Variants in COA1 observed in about 807,000 individuals in gnomAD.
The protein encoded by COA1 is cytochrome c oxidase assembly factor 1.
COA1 carries 13 observed loss-of-function variants against 16.0 expected under a neutral mutation model. The observed-to-expected ratio is 0.81, with a 90% CI of 0.53 to 1.29. The LOEUF (loss-of-function observed/expected upper bound fraction) is 1.29. COA1 is among the 50% of genes most tolerant of loss of function. The pLI, the probability that COA1 is intolerant of heterozygous loss-of-function variation, is 0.00. For missense variants in COA1, 179 were observed against 177.0 expected (o/e 1.01, Z -0.06); for synonymous variants, 65 against 65.7 (o/e 0.99, Z 0.05).
At chr7:43,661,584 C>T (rs1314377733) in intron 1 of COA1, among the ~76,000 whole-genome samples, 1 of 151,198 alleles carries the variant, frequency 6.6e-6, no homozygotes, top group South Asian at 2.1e-4. Flanking sequence ...GCAGTGTGAG[C>T]CGAGATCGCG....
chr7:43,690,361 G>GC (rs1355163239), intron 1 of COA1, among the ~76,000 whole-genome samples: 2 of 152,010 alleles, frequency 1.3e-5, no homozygotes, highest in African/African-American at 4.8e-5. Flanking sequence ...CAGCCCAAAT[G>GC]CCGATCAACG....
rs955902228 is a variant in COA1, at chr7:43,640,655, G to A, written c.265-6C>T. On this transcript the variant is annotated splice_polypyrimidine_tract_variant and splice_region_variant and intron_variant, in intron 4 of 5. Transcript: ENST00000223336. ...CCAGAGACAGGAATCTTCAACTGTG[G>A]GTGTAAAATGACAGAAAGGAGAGAT... 2 of 1,580,596 alleles carry A rather than the reference G, an allele frequency of 1.3e-6. No homozygotes were observed. The highest frequency in any genetic ancestry group is 1.4e-5 in the African/African-American group (1 of 73,258).
intron 4 of COA1, among the ~76,000 whole-genome samples, chr7:43,644,982 A>G (rs985162279): frequency 5.9e-5 from 9 of 152,092 alleles, no homozygotes; most frequent in Non-Finnish European, 1.2e-4. Context: ...TCAATTCAAG[A>G]TGGCGACATC....
downstream of COA1, among the ~76,000 whole-genome samples, chr7:43,636,273 G>A (rs537314658): frequency 1.3e-5 from 2 of 152,294 alleles, no homozygotes; most frequent in South Asian, 4.1e-4. Flanking sequence ...TACTAAGGAG[G>A]TGAGAATCTT....
At chr7:43,704,856 T>C (rs866050602) in intron 1 of COA1, among the ~76,000 whole-genome samples, 8 of 152,270 alleles carry the variant, frequency 5.3e-5, no homozygotes, top group Admixed American at 6.5e-5. Context: ...AGTGCAGTCG[T>C]TTGGAGGTTA....
intron 6 of COA1, chr7:43,624,522 C>T: frequency 1.2e-6 from 2 of 1,609,684 alleles, no homozygotes; most frequent in Non-Finnish European, 1.7e-6. Flanking sequence ...TTACAGAGAT[C>T]GAGCCACTGC....
intron 6 of COA1, chr7:43,619,547 G>A (rs752634233): frequency 1.2e-5 from 19 of 1,590,178 alleles, no homozygotes; most frequent in Non-Finnish European, 1.5e-5. Context: ...CATGTTTTGT[G>A]TACTTAATCA....
At chr7:43,689,116 C>A (rs2094164816) in intron 1 of COA1, among the ~76,000 whole-genome samples, 1 of 152,200 alleles carries the variant, frequency 6.6e-6, no homozygotes, top group Admixed American at 6.5e-5. Flanking sequence ...ACACAACCAT[C>A]ACCTTTGCCT....
At chr7:43,619,971 A>T (rs915726649) in intron 6 of COA1, among the ~76,000 whole-genome samples, 3 of 152,190 alleles carry the variant, frequency 2.0e-5, no homozygotes, top group African/African-American at 7.2e-5. Context: ...TTCTAAAAGG[A>T]ATAGGAGAGG....
chr7:43,668,523 G>A (rs1431705723), intron 1 of COA1, among the ~76,000 whole-genome samples: 1 of 152,180 alleles, frequency 6.6e-6, no homozygotes, highest in Non-Finnish European at 1.5e-5. Flanking sequence ...GAGAGAAATT[G>A]TGCTCCAAAG....
At chr7:43,677,253 A>G (rs973054097) in intron 1 of COA1, among the ~76,000 whole-genome samples, 1 of 152,240 alleles carries the variant, frequency 6.6e-6, no homozygotes, top group Non-Finnish European at 1.5e-5. Flanking sequence ...AGTCTTTAAA[A>G]ACTACATTAT....
chr7:43,620,194 T>C (rs185332237), intron 6 of COA1, among the ~76,000 whole-genome samples: 80 of 152,334 alleles, frequency 5.3e-4, no homozygotes, highest in African/African-American at 1.9e-3. Context: ...ACATTGAAGG[T>C]AGCAGCAAGA....
At chr7:43,657,142 T>C (rs2091849442) in intron 1 of COA1, 1 of 152,276 alleles carries the variant, frequency 6.6e-6, no homozygotes, top group African/African-American at 2.4e-5. Context: ...ATGTGTTATC[T>C]GTGGCGATAT....
chr7:43,726,634 C>T (rs754205766), intron 1 of COA1, among the ~76,000 whole-genome samples: 26 of 152,278 alleles, frequency 1.7e-4, no homozygotes, highest in Middle Eastern at 3.4e-3. Flanking sequence ...CAGCATTTTT[C>T]CTGGGCCTGG....
intron 1 of COA1, among the ~76,000 whole-genome samples, chr7:43,692,316 C>T (rs1414202131): frequency 6.6e-6 from 1 of 152,164 alleles, no homozygotes; most frequent in Non-Finnish European, 1.5e-5. Flanking sequence ...ACCAGGAGTT[C>T]AAGACCAGCC....
chr7:43,671,846 C>T (rs527912766), intron 1 of COA1, among the ~76,000 whole-genome samples: 1 of 152,214 alleles, frequency 6.6e-6, no homozygotes, highest in East Asian at 1.9e-4. Context: ...ATTTCCACTG[C>T]TTGCACTCAT....
At chr7:43,631,551 A>G (rs1200018035) in intron 6 of COA1, 2 of 152,228 alleles carry the variant, frequency 1.3e-5, no homozygotes, top group African/African-American at 4.8e-5. Context: ...TTCTGGCACT[A>G]AAAGAACTTG....
chr7:43,637,044 C>G (rs769466360), downstream of COA1, among the ~76,000 whole-genome samples: 6 of 152,340 alleles, frequency 3.9e-5, no homozygotes, highest in Admixed American at 1.3e-4. Flanking sequence ...TCTGCCCGCT[C>G]TGGGGCCTTT....
chr7:43,613,439 T>G (rs2083060277), intron 6 of COA1, among the ~76,000 whole-genome samples: 1 of 152,196 alleles, frequency 6.6e-6, no homozygotes, highest in South Asian at 2.1e-4. Flanking sequence ...GCATCACAGA[T>G]TTTGGTATCT....
Sources: allele counts gnomAD v4.1 joint callset (sites outside exome capture counted in the v4.1 genomes callset), GRCh38; gene constraint gnomAD v4.1.1; transcripts MANE v1.5; gene names NCBI Gene and HGNC (gene_info 2026-07-23, HGNC 2026-07-21).